DPP4: variants seen among roughly 807,000 people sequenced by gnomAD.
DPP4 encodes the protein dipeptidyl peptidase 4.
Under a neutral mutation model 122.4 loss-of-function variants are expected in DPP4, and 93 were observed. That is an observed-to-expected ratio of 0.76 (90% CI 0.64 to 0.90). The LOEUF (loss-of-function observed/expected upper bound fraction) is 0.90. DPP4 is among the 40% of genes least tolerant of loss of function. The probability of loss-of-function intolerance (pLI) is 0.00; values close to 1 mark genes in which losing one functional copy is unlikely to be tolerated. For missense variants in DPP4, 914 were observed against 907.3 expected (o/e 1.01, Z -0.09); for synonymous variants, 321 against 302.9 (o/e 1.06, Z -0.62).
At chr2:162,011,664 C>A (rs914959679) in intron 20 of DPP4, 129 bp downstream of exon 20, 1 of 879,256 alleles carries the variant, frequency 1.1e-6, no homozygotes, top group Non-Finnish European at 1.7e-6. Flanking sequence ...TAAAACCTAC[C>A]GTAAGGATAA....
chr2:162,023,966 C>T (rs1683226262), intron 11 of DPP4, among the ~76,000 whole-genome samples: 2 of 152,320 alleles, frequency 1.3e-5, no homozygotes, highest in East Asian at 1.9e-4. Flanking sequence ...TAGCACAGAG[C>T]TTGGAACATA....
chr2:162,047,120 T>C (rs1417494847), intron 3 of DPP4, 114 bp from the exon 4 acceptor site: 1 of 620,944 alleles, frequency 1.6e-6, no homozygotes, highest in Non-Finnish European at 2.9e-6. Flanking sequence ...CATTTCTAAG[T>C]TGAGAAAACA....
intron 2 of DPP4, among the ~76,000 whole-genome samples, chr2:162,060,501 A>C (rs1684726174): frequency 6.6e-6 from 1 of 152,206 alleles, no homozygotes; most frequent in African/African-American, 2.4e-5. Flanking sequence ...CGTAAGCTTT[A>C]AAATAGGTTT....
rs1159840913 is a variant in DPP4, at chr2:162,040,914, AGT to A, written c.367-1732_367-1731del. ...AACCTAAAGCTGTTCTGAAAAATAA[AGT>A]GATATTAATTAAAAAAAAATGAATC... On this transcript the variant is annotated intron_variant, in intron 5 of 25. Transcript: ENST00000360534. 6.6e-5 allele frequency among the ~76,000 whole-genome samples: 10 copies of A among 152,212 alleles called. No homozygotes were observed. In the East Asian group the frequency reaches 1.7e-3, roughly 26 times the overall value.
chr2:162,007,177 A>G (rs1354631969), intron 22 of DPP4, among the ~76,000 whole-genome samples: 1 of 152,144 alleles, frequency 6.6e-6, no homozygotes, highest in Non-Finnish European at 1.5e-5. Flanking sequence ...ACACTTTAAA[A>G]TATGAGAACT....
intron 19 of DPP4, among the ~76,000 whole-genome samples, chr2:162,013,641 G>A (rs901468406): frequency 6.6e-6 from 1 of 151,964 alleles, no homozygotes; most frequent in African/African-American, 2.4e-5. Flanking sequence ...AATAAAATAA[G>A]GCAAATGATG....
intron 2 of DPP4, among the ~76,000 whole-genome samples, chr2:162,066,408 G>A (rs2106158485): frequency 6.6e-6 from 1 of 152,270 alleles, no homozygotes; most frequent in African/African-American, 2.4e-5. Flanking sequence ...TCACATTCAT[G>A]CTGAAATCCT....
chr2:161,999,199 C>G (rs1001996816), intron 23 of DPP4, among the ~76,000 whole-genome samples: 3 of 152,160 alleles, frequency 2.0e-5, no homozygotes, highest in African/African-American at 7.2e-5. Flanking sequence ...AATTAACACC[C>G]TTTACAGTCC....
chr2:162,029,637 G>C (rs1465470964), intron 10 of DPP4, among the ~76,000 whole-genome samples: 1 of 152,208 alleles, frequency 6.6e-6, no homozygotes, highest in Admixed American at 6.5e-5. Flanking sequence ...GCCAGGGGTC[G>C]TAACAGTTCA....
intron 2 of DPP4, among the ~76,000 whole-genome samples, chr2:162,054,565 G>A (rs1000763597): frequency 6.6e-6 from 1 of 152,168 alleles, no homozygotes; most frequent in African/African-American, 2.4e-5. Context: ...CATTTGAAGT[G>A]ATTAAGTCAT....
rs765516494 is a variant in DPP4 at position 162,011,927 on chromosome 2, G to A, written c.1698C>T (p.Tyr566=). The A allele has an allele frequency of 6.2e-7, 1 of 1,613,782 alleles. No individual in the cohort carries two copies. The highest frequency in any genetic ancestry group is 8.5e-7 in the Non-Finnish European group (1 of 1,179,736). ...DTVFRLNWAT[Y]LASTENIIVA... ...CTATAATGTTTTCTGTGCTTGCAAGGTAAGTGGCCCAGTTCAGTCTGAAGA... is the reference window on the plus strand; with the variant it reads ...CTATAATGTTTTCTGTGCTTGCAAGATAAGTGGCCCAGTTCAGTCTGAAGA... The change falls in exon 20 of 26, where the codon TAC becomes TAT. Residue 566 remains tyrosine (Y), a synonymous_variant. Coordinates refer to ENST00000360534, the MANE Select transcript of DPP4 (RefSeq NM_001935.4).
intron 10 of DPP4, among the ~76,000 whole-genome samples, chr2:162,026,930 T>C (rs1329645592): frequency 6.6e-6 from 1 of 152,168 alleles, no homozygotes; most frequent in Admixed American, 6.5e-5. Context: ...TTAAGCATTG[T>C]GGTCCACATC....
chr2:161,996,268 C>T (rs1377904953), intron 23 of DPP4, among the ~76,000 whole-genome samples: 1 of 152,060 alleles, frequency 6.6e-6, no homozygotes, highest in African/African-American at 2.4e-5. Context: ...ACTGTAGTGC[C>T]TTTGGGAGGG....
At chr2:162,054,186 T>A (rs550491595) in intron 2 of DPP4, among the ~76,000 whole-genome samples, 1 of 152,348 alleles carries the variant, frequency 6.6e-6, no homozygotes, top group East Asian at 1.9e-4. Flanking sequence ...ATTAACCGTT[T>A]CTTGCTATTT....
chr2:162,026,104 CCTT>C (rs897778247), intron 10 of DPP4, among the ~76,000 whole-genome samples: 4 of 152,194 alleles, frequency 2.6e-5, no homozygotes, highest in African/African-American at 7.2e-5. Flanking sequence ...ATAGCTTTGT[CCTT>C]CTTCAGAATT....
chr2:162,042,967 T>C (rs896466224), intron 5 of DPP4, among the ~76,000 whole-genome samples: 5 of 152,202 alleles, frequency 3.3e-5, no homozygotes, highest in African/African-American at 1.2e-4. Context: ...AATCTGGACC[T>C]GAGTTAATAG....
At chr2:162,070,107 G>A (rs74435445) in intron 2 of DPP4, among the ~76,000 whole-genome samples, 2,663 of 152,032 alleles carry the variant, frequency 0.018, 38 homozygotes, top group South Asian at 0.038. Flanking sequence ...GTATTTTTAC[G>A]TATTTCTCAC....
intron 19 of DPP4, among the ~76,000 whole-genome samples, chr2:162,013,420 C>T (rs1458374155): frequency 6.6e-6 from 1 of 152,002 alleles, no homozygotes; most frequent in Non-Finnish European, 1.5e-5. Context: ...AAATATGTAT[C>T]TTTTCCTTTC....
intron 20 of DPP4, among the ~76,000 whole-genome samples, chr2:162,010,326 G>A (rs1049959515): frequency 2.0e-5 from 3 of 152,096 alleles, no homozygotes; most frequent in Non-Finnish European, 2.9e-5. Flanking sequence ...AGGGACAAAA[G>A]GAAATGTTTT....
Sources: allele counts gnomAD v4.1 joint callset (sites outside exome capture counted in the v4.1 genomes callset), GRCh38; gene constraint gnomAD v4.1.1; transcripts MANE v1.5; gene names NCBI Gene and HGNC (gene_info 2026-07-23, HGNC 2026-07-21).